Variants in ROR2 observed in about 807,000 individuals in gnomAD.
ROR2 encodes ROR family WNT receptor 2.
In ROR2, 33 loss-of-function variants were observed where a neutral mutation model predicts 74.9. The observed-to-expected ratio is 0.44, with a 90% CI of 0.33 to 0.59. The LOEUF (loss-of-function observed/expected upper bound fraction) is 0.59. ROR2 is among the 20% of genes least tolerant of loss of function. The probability of loss-of-function intolerance (pLI) is 0.02; values close to 1 mark genes in which losing one functional copy is unlikely to be tolerated. For synonymous variants in ROR2, 586 were observed against 558.7 expected, an observed-to-expected ratio of 1.05 and a Z score of -0.69; for missense variants, 1,216 against 1,313.8, an observed-to-expected ratio of 0.93 and a Z score of 1.15.
intron 1 of ROR2, among the ~76,000 whole-genome samples, chr9:91,829,577 C>T: frequency 1.1e-5 from 1 of 94,364 alleles, no homozygotes. Context: ...AAAAAAAGCA[C>T]ACATCTCAAA....
intron 1 of ROR2, among the ~76,000 whole-genome samples, chr9:91,920,266 A>G (rs917380240): frequency 1.3e-5 from 2 of 152,208 alleles, no homozygotes; most frequent in Non-Finnish European, 2.9e-5. Context: ...CAGCACTTTG[A>G]GAGGTCGAAG....
At chr9:91,872,233 C>A (rs1829817938) in intron 1 of ROR2, among the ~76,000 whole-genome samples, 1 of 152,110 alleles carries the variant, frequency 6.6e-6, no homozygotes, top group Admixed American at 6.5e-5. Flanking sequence ...TATGATATAA[C>A]CTGAGTTTAT....
intron 1 of ROR2, among the ~76,000 whole-genome samples, chr9:91,824,399 C>T (rs764045060): frequency 6.6e-6 from 1 of 152,196 alleles, no homozygotes; most frequent in Non-Finnish European, 1.5e-5. Flanking sequence ...ACTTCATGTT[C>T]CCAGTGAAGT....
chr9:91,798,999 C>A (rs1231813990), intron 1 of ROR2, among the ~76,000 whole-genome samples: 2 of 152,140 alleles, frequency 1.3e-5, no homozygotes, highest in Non-Finnish European at 2.9e-5. Flanking sequence ...AATTTCCACA[C>A]AGAAACACCA....
chr9:91,826,429 T>G (rs909425455), intron 1 of ROR2, among the ~76,000 whole-genome samples: 3 of 152,186 alleles, frequency 2.0e-5, no homozygotes, highest in African/African-American at 4.8e-5. Flanking sequence ...ACTGGTTAAT[T>G]ACATGATCCT....
chr9:91,948,150 G>GC lies in ROR2; in HGVS notation c.97+1716dup, dbSNP rs1564057221. Reference sequence around the variant, plus strand: ...TCCTGTTACAACCACCTTGGCTTAAGCAATGGACCCATCATGCTTTCCTCA... The same window carrying GC: ...TCCTGTTACAACCACCTTGGCTTAAGCCAATGGACCCATCATGCTTTCCTCA... On this transcript the variant is annotated intron_variant, in intron 1 of 8. Transcript: ENST00000375708. Among the ~76,000 whole-genome samples the GC allele has an allele frequency of 2.6e-5, 4 of 152,182 alleles. No individual in the cohort carries two copies. The South Asian group carries it at 8.3e-4, about 32-fold the overall frequency.
chr9:91,913,763 C>T (rs1831051764), intron 1 of ROR2, among the ~76,000 whole-genome samples: 1 of 152,136 alleles, frequency 6.6e-6, no homozygotes, highest in African/African-American at 2.4e-5. Context: ...GTATCTACAG[C>T]AATCAAATGC....
Position 91,733,833 on chromosome 9 carries a change from A to G in ROR2, c.623-397T>C, listed in dbSNP as rs1267202417. On this transcript the variant is annotated intron_variant, in intron 5 of 8. Transcript: ENST00000375708. The surrounding 1 kb of genome is among the most constrained non-coding windows in gnomAD (Gnocchi z 5.7). ...CGCCATGTGTGGAGAGCGCAGGCCA[A>G]GAAGTGCAGTACCGAGCCCCAGGCT... Among the ~76,000 whole-genome samples, 2 of 152,190 alleles carry G rather than the reference A, an allele frequency of 1.3e-5. No homozygotes were observed. Among genetic ancestry groups the G allele is most frequent in the East Asian group, 1.9e-4 (1 of 5,182 alleles).
Position 91,724,361 on chromosome 9 carries a change from C to T in ROR2, c.2133G>A (p.Leu711=), listed in dbSNP as rs1456142921. The change falls in exon 9 of 9, where the codon CTG becomes CTA. Residue 711 remains leucine (L), a synonymous_variant. Coordinates refer to ENST00000375708, the MANE Select transcript of ROR2 (RefSeq NM_004560.4). ...VVEMIRNRQV[L]PCPDDCPAWV... is the part of the protein sequence containing the mutation. ...AGGCGGGACAGTCATCGGGGCAAGG[C>T]AGCACCTGCCGGTTCCGGATCATCT... 76 of 1,613,672 alleles carry T rather than the reference C, an allele frequency of 4.7e-5. No homozygotes were observed. Among genetic ancestry groups the T allele is most frequent in the Non-Finnish European group, 5.9e-5 (70 of 1,180,034 alleles).
At chr9:91,948,715 T>C in intron 1 of ROR2, 1 of 985,488 alleles carries the variant, frequency 1.0e-6, no homozygotes, top group Non-Finnish European at 1.2e-6. Context: ...ATTCTCACCT[T>C]CCTGCAGGAG....
At chr9:91,804,296 C>T (rs1398957065) in intron 1 of ROR2, among the ~76,000 whole-genome samples, 1 of 152,178 alleles carries the variant, frequency 6.6e-6, no homozygotes, top group Non-Finnish European at 1.5e-5. Context: ...GTTCCAGCAA[C>T]CCTCTGATTT....
At chr9:91,831,399 C>T (rs1159137679) in intron 1 of ROR2, among the ~76,000 whole-genome samples, 1 of 152,100 alleles carries the variant, frequency 6.6e-6, no homozygotes, top group African/African-American at 2.4e-5. Context: ...GGACCAGCCG[C>T]GTTTGGTGGA....
chr9:91,854,180 C>T (rs1385163046), intron 1 of ROR2, among the ~76,000 whole-genome samples: 1 of 152,184 alleles, frequency 6.6e-6, no homozygotes, highest in East Asian at 1.9e-4. Context: ...GCATTCACTA[C>T]CCAATGAGGG....
intron 4 of ROR2, among the ~76,000 whole-genome samples, chr9:91,755,596 G>A (rs1349244486): frequency 6.6e-6 from 1 of 152,256 alleles, no homozygotes; most frequent in Non-Finnish European, 1.5e-5. Context: ...AGGAGTGTGA[G>A]CCTGGCTGTG....
At chr9:91,854,727 C>CA (rs916693232) in intron 1 of ROR2, among the ~76,000 whole-genome samples, 2 of 152,204 alleles carry the variant, frequency 1.3e-5, no homozygotes, top group African/African-American at 4.8e-5. Flanking sequence ...CTGGAGGTCT[C>CA]AGACCTAAAC....
chr9:91,801,637 T>G (rs1332107709), intron 1 of ROR2, among the ~76,000 whole-genome samples: 2 of 152,170 alleles, frequency 1.3e-5, no homozygotes, highest in Admixed American at 6.5e-5. Context: ...GCCTGCATGC[T>G]TTTCTCCTTG....
chr9:91,818,270 T>G (rs1828010728), intron 1 of ROR2, among the ~76,000 whole-genome samples: 1 of 152,234 alleles, frequency 6.6e-6, no homozygotes. Flanking sequence ...AGATGACAGA[T>G]TCCTATTCTT....
At position 91,826,312 on chromosome 9, in the gene ROR2, C is replaced by T. The variant is rs112658107; in HGVS notation, c.98-50494G>A. ...ATTGTTATACCCAGGTATATCTCCACACATACTCCAGACCCCCTTTCTTAT... is the reference window on the plus strand; with the variant it reads ...ATTGTTATACCCAGGTATATCTCCATACATACTCCAGACCCCCTTTCTTAT... On this transcript the variant is annotated intron_variant, in intron 1 of 8. Transcript: ENST00000375708. 3.0e-3 allele frequency among the ~76,000 whole-genome samples: 459 copies of T among 152,300 alleles called. 4 individuals carry two copies. Among genetic ancestry groups the T allele is most frequent in the African/African-American group, 9.8e-3 (409 of 41,554 alleles).
chr9:91,925,740 G>T (rs534001495), intron 1 of ROR2, among the ~76,000 whole-genome samples: 1 of 152,166 alleles, frequency 6.6e-6, no homozygotes. Flanking sequence ...GAGAGCCAGA[G>T]AGAAGAAAAC....
Sources: gnomAD v4.1 joint callset for allele counts (sites outside exome capture counted in the v4.1 genomes callset) on GRCh38, gnomAD v4.1.1 for gene constraint, Gnocchi (gnomAD v3.1) non-coding constraint, MANE v1.5 for transcripts, NCBI Gene and HGNC (gene_info 2026-07-23, HGNC 2026-07-21) for gene names.